TOP2B: variants seen among roughly 807,000 people sequenced by gnomAD.
TOP2B encodes DNA topoisomerase II beta.
Under a neutral mutation model 193.5 loss-of-function variants are expected in TOP2B, and 51 were observed. The ratio of observed to expected loss-of-function variants is 0.26; its 90% CI spans 0.21 to 0.33. TOP2B has a LOEUF of 0.33. Among genes scored for constraint, TOP2B ranks in the 10% least tolerant of loss-of-function variants. TOP2B has a pLI of 1.00. For missense variants in TOP2B, 1,378 were observed against 1,909.3 expected (o/e 0.72, Z 5.19); for synonymous variants, 634 against 635.7 (o/e 1.00, Z 0.04).
chr3:25,623,459 A>G (rs1264270577), intron 21 of TOP2B, 56 bp downstream of exon 21: 3 of 1,481,834 alleles, frequency 2.0e-6, no homozygotes, highest in Non-Finnish European at 2.8e-6. Flanking sequence ...AATGACGGGA[A>G]TTTGTAGTTT....
At chr3:25,657,994 G>C (rs1703797989) in intron 1 of TOP2B, among the ~76,000 whole-genome samples, 1 of 126,222 alleles carries the variant, frequency 7.9e-6, no homozygotes, top group Admixed American at 7.8e-5. Flanking sequence ...CCGGGAGGCG[G>C]AGCTTGCAGT....
chr3:25,609,796 C>A (rs985533952), intron 28 of TOP2B, 84 bp from the exon 29 acceptor site: 1 of 1,319,904 alleles, frequency 7.6e-7, no homozygotes, highest in Non-Finnish European at 9.9e-7. Flanking sequence ...ACAGATAGCG[C>A]CTTCAAATCA....
chr3:25,656,616 TTTAAA>T (rs1359045239), intron 1 of TOP2B, among the ~76,000 whole-genome samples: 1 of 152,156 alleles, frequency 6.6e-6, no homozygotes, highest in Non-Finnish European at 1.5e-5. Context: ...ATCAAGTATG[TTTAAA>T]TTAGTAGTTT....
chr3:25,656,075 T>C (rs1191364321), intron 1 of TOP2B, among the ~76,000 whole-genome samples: 8 of 152,230 alleles, frequency 5.3e-5, no homozygotes, highest in African/African-American at 1.7e-4. Flanking sequence ...CTTTGTCTAA[T>C]ATTATTTGTA....
intron 1 of TOP2B, among the ~76,000 whole-genome samples, chr3:25,649,362 G>A (rs754648686): frequency 6.6e-6 from 1 of 152,114 alleles, no homozygotes; most frequent in Non-Finnish European, 1.5e-5. Flanking sequence ...TTCCAAATCT[G>A]AGGACATAAA....
chr3:25,616,696 T>TTCAC (rs1702513976), intron 25 of TOP2B, among the ~76,000 whole-genome samples: 1 of 151,930 alleles, frequency 6.6e-6, no homozygotes, highest in Non-Finnish European at 1.5e-5. Context: ...CTATGGAGTA[T>TTCAC]TCAGGTTGTT....
At chr3:25,618,604 T>G (rs771534404) in intron 24 of TOP2B, 50 bp downstream of exon 24, 34 of 1,461,030 alleles carry the variant, frequency 2.3e-5, no homozygotes, top group Non-Finnish European at 3.0e-5. Flanking sequence ...ATTAATAAAG[T>G]TTTTTTTCCA....
rs756336705 is a variant in TOP2B, at chr3:25,628,943, T to A, written c.1810A>T (p.Asn604Tyr). The change falls in exon 15 of 36, where the codon AAT (asparagine) becomes TAT (tyrosine). Residue 604 changes from asparagine to tyrosine, a missense_variant. Transcript: ENST00000264331. ...CTGTAGAAGGAAAGTTCCTGCTTAT[T>A]TTTGCTTGCCTTAAATTAATTAAAA... ...FITPIVKASK[N>Y]KQELSFYSIP... The A allele has an allele frequency of 6.3e-7, 1 of 1,598,240 alleles. No individual in the cohort carries two copies. The highest frequency in any genetic ancestry group is 8.5e-7 in the Non-Finnish European group (1 of 1,174,974).
intron 21 of TOP2B, among the ~76,000 whole-genome samples, chr3:25,621,710 C>CG (rs1702662059): frequency 6.6e-6 from 1 of 151,774 alleles, no homozygotes; most frequent in African/African-American, 2.4e-5. Context: ...GTATATAGGC[C>CG]GGGCACAGTG....
intron 18 of TOP2B, among the ~76,000 whole-genome samples, chr3:25,625,681 T>C (rs1292599319): frequency 1.3e-5 from 2 of 152,218 alleles, no homozygotes; most frequent in East Asian, 1.9e-4. Flanking sequence ...CCTCTTCCAA[T>C]GTGGCCCAGG....
At chr3:25,663,015 C>G (rs2125415167) in intron 1 of TOP2B, among the ~76,000 whole-genome samples, 1 of 152,308 alleles carries the variant, frequency 6.6e-6, no homozygotes, top group South Asian at 2.1e-4. Flanking sequence ...CATTTTCTCT[C>G]CTGGCCCTAG....
chr3:25,662,981 A>G (rs1703961947), intron 1 of TOP2B, among the ~76,000 whole-genome samples: 3 of 152,210 alleles, frequency 2.0e-5, no homozygotes, highest in Admixed American at 2.0e-4. Flanking sequence ...GCAAGTCCAC[A>G]TGGACCACTA....
At chr3:25,603,010 A>G (rs1702146854) in intron 33 of TOP2B, among the ~76,000 whole-genome samples, 1 of 152,126 alleles carries the variant, frequency 6.6e-6, no homozygotes, top group African/African-American at 2.4e-5. Flanking sequence ...CAGGCAGTCT[A>G]CCTATTCAAC....
At chr3:25,631,909 C>T (rs147882538) in intron 10 of TOP2B, among the ~76,000 whole-genome samples, 89 of 152,106 alleles carry the variant, frequency 5.9e-4, no homozygotes, top group African/African-American at 2.0e-3. Context: ...TAGAGCATTT[C>T]CCCACCAAAA....
rs1200820514 is a variant in TOP2B, at chr3:25,638,320, A to T, written c.396-10T>A. 1.8e-5 allele frequency: 17 copies of T among 946,768 alleles called. No homozygotes were observed. The African/African-American group carries it at 6.4e-4, about 36-fold the overall frequency. 58.6% of individuals were successfully genotyped at this position (946,768 alleles called of 1,614,324 possible). On this transcript the variant is annotated splice_polypyrimidine_tract_variant and intron_variant, in intron 4 of 35. Coordinates refer to ENST00000264331, the MANE Select transcript of TOP2B (RefSeq NM_001330700.2). ...TATAATGTTAGATTCACTGTAAAAA[A>T]AAAAAAAAAAAAAAAAAAAAAAAAA...
chr3:25,633,300 G>A (rs1433153687), intron 8 of TOP2B, among the ~76,000 whole-genome samples: 1 of 152,016 alleles, frequency 6.6e-6, no homozygotes, highest in Non-Finnish European at 1.5e-5. Context: ...TCATTTACAA[G>A]TTTTTTATAT....
At chr3:25,628,401 G>T (rs569499390) in intron 15 of TOP2B, among the ~76,000 whole-genome samples, 2 of 151,836 alleles carry the variant, frequency 1.3e-5, no homozygotes, top group South Asian at 4.2e-4. Flanking sequence ...ATTTGAGCCC[G>T]GAAAGTCAAG....
At chr3:25,629,966 AAT>A in intron 13 of TOP2B, 61 bp downstream of exon 13, 1 of 1,471,438 alleles carries the variant, frequency 6.8e-7, no homozygotes, top group South Asian at 1.4e-5. Context: ...TCATAAAACA[AAT>A]ATTAAAGGGA....
chr3:25,632,968 T>C (rs978931274), intron 8 of TOP2B, among the ~76,000 whole-genome samples, 174 bp from the exon 9 acceptor site: 7 of 151,122 alleles, frequency 4.6e-5, no homozygotes, highest in Non-Finnish European at 8.8e-5. Context: ...AACCGCTGTG[T>C]TTTTTTTGTT....
Sources: allele counts gnomAD v4.1 joint callset (sites outside exome capture counted in the v4.1 genomes callset), GRCh38; gene constraint gnomAD v4.1.1; transcripts MANE v1.5; gene names NCBI Gene and HGNC (gene_info 2026-07-23, HGNC 2026-07-21).